MORN1: variants seen among roughly 807,000 people sequenced by gnomAD.
MORN1 encodes MORN repeat-containing protein 1.
Under a neutral mutation model 61.9 loss-of-function variants are expected in MORN1, and 67 were observed. That is an observed-to-expected ratio of 1.08 (90% confidence interval 0.89 to 1.33). MORN1 has a LOEUF of 1.33. MORN1 is among the 40% of genes most tolerant of loss of function. The pLI, the probability that MORN1 is intolerant of heterozygous loss-of-function variation, is 0.00. For missense variants in MORN1, 752 were observed against 691.2 expected, an observed-to-expected ratio of 1.09 and a Z score of -0.99; for synonymous variants, 301 against 292.0, an observed-to-expected ratio of 1.03 and a Z score of -0.31.
chr1:2,330,727 G>A (rs997237379), intron 12 of MORN1, among the ~76,000 whole-genome samples: 1 of 152,210 alleles, frequency 6.6e-6, no homozygotes, highest in African/African-American at 2.4e-5. Context: ...CAAGGTCGCC[G>A]CGCACACCCG....
chr1:2,363,342 C>T (rs1181942864), intron 8 of MORN1: 1 of 152,118 alleles, frequency 6.6e-6, no homozygotes, highest in Non-Finnish European at 1.5e-5. Flanking sequence ...CTCTGCTACC[C>T]CTGACACAGC....
intron 12 of MORN1, among the ~76,000 whole-genome samples, chr1:2,331,491 G>C (rs1003164041): frequency 9.2e-5 from 14 of 152,188 alleles, no homozygotes; most frequent in Non-Finnish European, 1.5e-4. Context: ...CCTCGCAGCA[G>C]GACCCTCCTT....
intron 10 of MORN1, among the ~76,000 whole-genome samples, chr1:2,338,730 G>A (rs987185777): frequency 2.6e-5 from 4 of 152,214 alleles, no homozygotes; most frequent in Non-Finnish European, 4.4e-5. Context: ...ATGGAGCCTG[G>A]AGGGTGTCTG....
chr1:2,345,577 G>C (rs1641494889), intron 10 of MORN1, among the ~76,000 whole-genome samples: 1 of 152,232 alleles, frequency 6.6e-6, no homozygotes, highest in Non-Finnish European at 1.5e-5. Flanking sequence ...GTGGACACAG[G>C]CTGCCGGCAG....
intron 1 of MORN1, among the ~76,000 whole-genome samples, 198 bp from the exon 2 acceptor site, chr1:2,390,194 A>G (rs1336355871): frequency 1.3e-5 from 2 of 152,136 alleles, no homozygotes; most frequent in Non-Finnish European, 2.9e-5. Flanking sequence ...TCATTTGTTT[A>G]TGTGACAAGG....
chr1:2,354,640 G>A (rs541013480), intron 10 of MORN1, among the ~76,000 whole-genome samples: 17 of 152,028 alleles, frequency 1.1e-4, no homozygotes, highest in African/African-American at 4.1e-4. Flanking sequence ...CCAGACCCCA[G>A]GCCACGCTCC....
chr1:2,324,620 C>T (rs968442313), intron 12 of MORN1, among the ~76,000 whole-genome samples: 2 of 152,132 alleles, frequency 1.3e-5, no homozygotes, highest in African/African-American at 4.8e-5. Context: ...CTTGGAGGAA[C>T]AGAGGCCCAG....
intron 10 of MORN1, among the ~76,000 whole-genome samples, chr1:2,347,225 C>A (rs946999329): frequency 5.9e-5 from 9 of 152,204 alleles, no homozygotes; most frequent in Non-Finnish European, 1.2e-4. Context: ...CCCCTTGGGG[C>A]AGCTGGTGGC....
At chr1:2,325,622 A>G (rs1049106807) in intron 12 of MORN1, among the ~76,000 whole-genome samples, 2 of 143,374 alleles carry the variant, frequency 1.4e-5, no homozygotes, top group Non-Finnish European at 3.0e-5. Context: ...TGCTGGGATC[A>G]CTGCACCTGG....
chr1:2,374,824 A>C, intron 6 of MORN1: 1 of 386,198 alleles, frequency 2.6e-6, no homozygotes, highest in Non-Finnish European at 4.7e-6. Context: ...ACAGTATATA[A>C]AATGCAAACA....
rs1050481340 is a variant in MORN1 at position 2,355,364 on chromosome 1, C to A, written c.1036+2068G>T. The A allele has an allele frequency of 2.0e-6, 3 of 1,533,776 alleles. No homozygotes were observed. The African/African-American group carries it at 4.1e-5, about 21-fold the overall frequency. On this transcript the variant is annotated intron_variant, in intron 10 of 13. Coordinates refer to ENST00000378531, the MANE Select transcript of MORN1 (RefSeq NM_024848.3). The stretch of plus-strand genomic sequence containing the variant: ...GGGCCCTGCTGCCCCACCTGGGATG[C>A]CTGCATGCTCTTTTATATGATGAAT...
At chr1:2,387,897 G>A in intron 3 of MORN1, 2 of 421,376 alleles carry the variant, frequency 4.7e-6, no homozygotes, top group Non-Finnish European at 8.6e-6. Context: ...TGGCGTGAGG[G>A]TCTGAGGTTC....
At chr1:2,340,321 T>C (rs961538516) in intron 10 of MORN1, among the ~76,000 whole-genome samples, 1 of 151,992 alleles carries the variant, frequency 6.6e-6, no homozygotes, top group Admixed American at 6.5e-5. Flanking sequence ...AGCAGCCCCC[T>C]CATGCTGTGT....
chr1:2,385,555 G>A (rs1012226900), intron 5 of MORN1: 3 of 346,788 alleles, frequency 8.7e-6, no homozygotes, highest in East Asian at 6.4e-5. Context: ...TAATCGGGGG[G>A]GGGGGGGATG....
rs1409725091 is a variant in MORN1 at position 2,357,462 on chromosome 1, C to T, written c.1006G>A (p.Gly336Ser). Residue 336 changes from glycine (G) to serine (S), a missense_variant, in exon 10 of 14, where the codon GGC (glycine) becomes AGC (serine). Coordinates refer to ENST00000378531, the MANE Select transcript of MORN1 (RefSeq NM_024848.3). The surrounding 1 kb of genome is among the most constrained non-coding windows in gnomAD (Gnocchi z 6.3). ...AGGCCACCAGGGGTGTCCTCCTGGC[C>T]ATGGAGGGCACCCAAATGCAGCTCC... ...DLELHLGALH[G>S]QEDTPGGLLA... 3.7e-6 allele frequency: 6 copies of T among 1,611,718 alleles called. No homozygotes were observed. The highest frequency in any genetic ancestry group is 1.7e-6 in the Non-Finnish European group (2 of 1,179,118).
rs1641308849 is a variant in MORN1, at chr1:2,337,638, C to A, written c.1037-788G>T. On this transcript the variant is annotated intron_variant, in intron 10 of 13. Transcript: ENST00000378531. This position sits in a 1 kb window ranked among gnomAD's most constrained non-coding sequence, Gnocchi z 5.7. ...CCTGAAGGAGATAACTTCAGTGCAG[C>A]CCCTCCACACACACACATCAGAGCC... 6.6e-6 allele frequency among the ~76,000 whole-genome samples: 1 copy of A among 152,224 alleles called. No homozygotes were observed.
intron 2 of MORN1, among the ~76,000 whole-genome samples, chr1:2,389,133 A>AG (rs1642581513): frequency 6.6e-6 from 1 of 151,664 alleles, no homozygotes; most frequent in Admixed American, 6.6e-5. Context: ...AAAAAAGAAA[A>AG]AAGAAACAAA....
intron 12 of MORN1, among the ~76,000 whole-genome samples, chr1:2,325,146 CCCTT>C (rs1640988303): frequency 1.0e-4 from 2 of 19,410 alleles, no homozygotes; most frequent in Non-Finnish European, 2.0e-4. Flanking sequence ...CTCCCTCCCT[CCCTT>C]CCTTCCCTCC....
At chr1:2,348,733 ACACCTGCGCGGG>A (rs1641578531) in intron 10 of MORN1, among the ~76,000 whole-genome samples, 2 of 128,714 alleles carry the variant, frequency 1.6e-5, no homozygotes, top group Non-Finnish European at 3.3e-5. Context: ...ACGCACACGC[ACACCTGCGCGGG>A]CACGCACACA....
Sources: allele counts gnomAD v4.1 joint callset (sites outside exome capture counted in the v4.1 genomes callset), GRCh38; gene constraint gnomAD v4.1.1; non-coding constraint Gnocchi (gnomAD v3.1); transcripts MANE v1.5; gene names NCBI Gene and HGNC (gene_info 2026-07-23, HGNC 2026-07-21).